C2orf92: variants seen among roughly 807,000 people sequenced by gnomAD.
C2orf92 encodes the protein chromosome 2 open reading frame 92.
intron 5 of C2orf92, among the ~76,000 whole-genome samples, chr2:97,693,398 T>C (rs1482809313): frequency 6.6e-6 from 1 of 152,194 alleles, no homozygotes; most frequent in East Asian, 1.9e-4. Context: ...TTGAGGAACC[T>C]CCATATTGTT....
chr2:97,689,216 A>G (rs1374714904), intron 4 of C2orf92, among the ~76,000 whole-genome samples: 1 of 152,128 alleles, frequency 6.6e-6, no homozygotes, highest in Non-Finnish European at 1.5e-5. Context: ...TTTTGGGGTG[A>G]TCCTTGATGT....
intron 3 of C2orf92, among the ~76,000 whole-genome samples, chr2:97,676,437 AAAAAAAAAAAAG>A (rs1263041280): frequency 4.0e-5 from 5 of 126,192 alleles, no homozygotes; most frequent in African/African-American, 1.4e-4. Flanking sequence ...CCATCTCAAA[AAAAAAAAAAAAG>A]AAAAAAAAAA....
At chr2:97,688,594 G>A (rs2104578033) in intron 3 of C2orf92, among the ~76,000 whole-genome samples, 2 of 152,274 alleles carry the variant, frequency 1.3e-5, no homozygotes, top group East Asian at 3.9e-4. Flanking sequence ...AGGTGCATCA[G>A]AATGACAACA....
chr2:97,681,972 A>G (rs1417178571), intron 3 of C2orf92, among the ~76,000 whole-genome samples: 1 of 152,232 alleles, frequency 6.6e-6, no homozygotes, highest in Non-Finnish European at 1.5e-5. Context: ...AGTAAAGTAT[A>G]CAGAGGAAAG....
upstream of C2orf92, chr2:97,666,973 TCCTCCGAGGTGA>T (rs1340829636): frequency 2.0e-5 from 3 of 152,014 alleles, no homozygotes; most frequent in African/African-American, 7.3e-5. Context: ...GACCTGTTCC[TCCTCCGAGGTGA>T]CCTCTATCCT....
chr2:97,696,744 C>T (rs1676318381), intron 5 of C2orf92, among the ~76,000 whole-genome samples: 1 of 151,926 alleles, frequency 6.6e-6, no homozygotes, highest in Non-Finnish European at 1.5e-5. Flanking sequence ...AAACAAAAAA[C>T]AAAAAACAAA....
chr2:97,685,772 G>A lies in C2orf92; in HGVS notation c.233-3123G>A, dbSNP rs1013238535. 4.6e-5 allele frequency among the ~76,000 whole-genome samples: 7 copies of A among 151,914 alleles called. No individual in the cohort carries two copies. In the South Asian group the frequency reaches 1.0e-3, roughly 23 times the overall value. ...GAGATGGGGTTTTGCCATGTGGGCCGGGCTGGTCACGAACTCCTGACCTCA... is the reference window on the plus strand; with the variant it reads ...GAGATGGGGTTTTGCCATGTGGGCCAGGCTGGTCACGAACTCCTGACCTCA... On this transcript the variant is annotated intron_variant, in intron 3 of 7. Coordinates refer to ENST00000627399, the MANE Select transcript of C2orf92 (RefSeq NM_001351368.2).
intron 6 of C2orf92, among the ~76,000 whole-genome samples, chr2:97,699,604 T>TAAAA (rs1309404158): frequency 1.3e-5 from 2 of 151,878 alleles, no homozygotes; most frequent in African/African-American, 4.8e-5. Context: ...AGACTCAATC[T>TAAAA]AAAAAAATAA....
chr2:97,675,227 TA>T (rs1184452976), intron 2 of C2orf92, among the ~76,000 whole-genome samples: 4 of 152,252 alleles, frequency 2.6e-5, no homozygotes, highest in African/African-American at 9.6e-5. Flanking sequence ...GTTATCAGAA[TA>T]AGCCAGCTAT....
chr2:97,690,122 CTG>C, intron 4 of C2orf92, 132 bp from the exon 5 acceptor site: 1 of 352,840 alleles, frequency 2.8e-6, no homozygotes, highest in Non-Finnish European at 5.1e-6. Flanking sequence ...CTGCGAGACT[CTG>C]TCTCAAAAGA....
At chr2:97,683,520 A>G (rs13001139) in intron 3 of C2orf92, among the ~76,000 whole-genome samples, 101,386 of 149,544 alleles carry the variant, frequency 0.68, 35,393 homozygotes, top group African/African-American at 0.72. Context: ...GGGCAACACA[A>G]TAAGACCTGG....
chr2:97,690,387 T>C, intron 5 of C2orf92, 60 bp downstream of exon 5: 1 of 228,704 alleles, frequency 4.4e-6, no homozygotes, highest in East Asian at 7.8e-5. Flanking sequence ...CTTTTTCCTC[T>C]TTTTTTTTTT....
chr2:97,693,122 C>G (rs1380482307), intron 5 of C2orf92, among the ~76,000 whole-genome samples: 2 of 152,098 alleles, frequency 1.3e-5, no homozygotes, highest in East Asian at 1.9e-4. Context: ...GTATAATGTT[C>G]TCAAGGTTAA....
chr2:97,698,555 A>G (rs926581307), intron 5 of C2orf92, among the ~76,000 whole-genome samples: 2 of 152,186 alleles, frequency 1.3e-5, no homozygotes, highest in Admixed American at 1.3e-4. Flanking sequence ...ACATTGTACA[A>G]TCTGTGAAGT....
rs758708269 is a variant in C2orf92 at position 97,702,686 on chromosome 2, C to T, written c.683C>T (p.Thr228Met). Residue 228 changes from threonine to methionine, a missense_variant, in exon 8 of 8, where the codon ACG (threonine) becomes ATG (methionine). Coordinates refer to ENST00000627399, the MANE Select transcript of C2orf92 (RefSeq NM_001351368.2). ...KKQPSSPLAN[T>M]TYNIFIMDGK... is the part of the protein sequence containing the mutation. Reference sequence around the variant, plus strand: ...TGTTTTAGATCTCCTCTGGCAAACACGACATATAATATTTTTATAATGGAT... The same window carrying T: ...TGTTTTAGATCTCCTCTGGCAAACATGACATATAATATTTTTATAATGGAT... 23 of 398,746 alleles carry T rather than the reference C, an allele frequency of 5.8e-5. No homozygotes were observed. Among genetic ancestry groups the T allele is most frequent in the Non-Finnish European group, 7.5e-5 (17 of 226,054 alleles). The allele number at this position is 398,746 out of a possible 1,614,324, so 24.7% of individuals were successfully genotyped here. A position where few individuals can be genotyped will look rare whatever the true frequency, so the allele number is the denominator to read the frequency against.
In C2orf92 at chr2:97,688,875, C is replaced by T. The variant is rs991106967; in HGVS notation, c.233-20C>T. On this transcript the variant is annotated intron_variant, in intron 3 of 7. Transcript: ENST00000627399. ...ATCCTGCGTTGCTGTATTAACATGC[C>T]TTTGTTTGCTCCACTGGAGATGAAA... is the stretch of plus-strand genomic sequence containing the variant. The T allele has an allele frequency of 7.5e-6, 3 of 398,450 alleles. No homozygotes were observed. The highest frequency in any genetic ancestry group is 1.3e-5 in the Non-Finnish European group (3 of 226,062). The allele number at this position is 398,450 out of a possible 1,614,324, so 24.7% of individuals were successfully genotyped here.
intron 5 of C2orf92, among the ~76,000 whole-genome samples, chr2:97,695,428 G>T (rs532784286): frequency 6.6e-6 from 1 of 152,224 alleles, no homozygotes; most frequent in African/African-American, 2.4e-5. Context: ...TTCTTGTGCT[G>T]GTTTTTTGCA....
At chr2:97,666,782 G>A (rs1179668826), upstream of C2orf92, 1 of 149,406 alleles carries the variant, frequency 6.7e-6, no homozygotes, top group African/African-American at 2.5e-5. Context: ...GATGGAGGTT[G>A]CGGTGAGCCC....
chr2:97,667,499 C>G (rs1026174378), upstream of C2orf92, among the ~76,000 whole-genome samples: 15 of 144,896 alleles, frequency 1.0e-4, no homozygotes, highest in Admixed American at 1.4e-4. Flanking sequence ...GTGGTGCGGT[C>G]TCGGCTCACT....
Sources: gnomAD v4.1 joint callset for allele counts (sites outside exome capture counted in the v4.1 genomes callset) on GRCh38, gnomAD v4.1.1 for gene constraint, MANE v1.5 for transcripts, NCBI Gene and HGNC (gene_info 2026-07-23, HGNC 2026-07-21) for gene names.